USH2A: variants seen among roughly 807,000 people sequenced by gnomAD.
USH2A encodes Usher syndrome 2A (autosomal recessive, mild).
A neutral mutation model predicts 538.9 loss-of-function variants in USH2A; 443 were observed. That is an observed-to-expected ratio of 0.82 (90% confidence interval 0.76 to 0.89). The LOEUF (loss-of-function observed/expected upper bound fraction) is 0.89, where lower values mean the gene tolerates loss of function less well. USH2A is among the 40% of genes least tolerant of loss of function. USH2A has a pLI of 0.00. For missense variants in USH2A, 6,633 were observed against 6,324.8 expected (o/e 1.05, Z -1.65); for synonymous variants, 2,413 against 2,273.5 (o/e 1.06, Z -1.75).
At chr1:216,332,395 A>C (rs1010706131) in intron 4 of USH2A, among the ~76,000 whole-genome samples, 1 of 152,178 alleles carries the variant, frequency 6.6e-6, no homozygotes, top group Non-Finnish European at 1.5e-5. Flanking sequence ...ACTTAAAAGG[A>C]GAAGATGTGA....
intron 16 of USH2A, chr1:216,203,943 G>A (rs1219603845): frequency 6.3e-6 from 1 of 159,312 alleles, no homozygotes; most frequent in Non-Finnish European, 1.5e-5. Context: ...TCATCTGACT[G>A]TGAATCTGGG....
chr1:215,640,520 G>A (rs756435559), intron 68 of USH2A, 38 bp downstream of exon 68: 15 of 1,612,002 alleles, frequency 9.3e-6, no homozygotes, highest in Non-Finnish European at 1.2e-5. Context: ...GGGGAACAGA[G>A]CGCCTTCCAC....
intron 3 of USH2A, among the ~76,000 whole-genome samples, chr1:216,381,303 A>G (rs1468818937): frequency 6.6e-6 from 1 of 152,172 alleles, no homozygotes; most frequent in African/African-American, 2.4e-5. Flanking sequence ...CTCAAAGTAC[A>G]TAGAAGGACA....
At chr1:216,010,795 G>A (rs1668542873) in intron 32 of USH2A, among the ~76,000 whole-genome samples, 3 of 151,452 alleles carry the variant, frequency 2.0e-5, no homozygotes, top group Non-Finnish European at 2.9e-5. Context: ...CTGCTTCCCT[G>A]ACTATTCCTG....
At chr1:216,198,949 T>C (rs1572041322) in intron 17 of USH2A, among the ~76,000 whole-genome samples, 2 of 152,174 alleles carry the variant, frequency 1.3e-5, no homozygotes, top group Admixed American at 1.3e-4. Flanking sequence ...GCCAGTTCTT[T>C]TGGGGAATTT....
At chr1:215,847,647 GAAA>G (rs751187801) in intron 44 of USH2A, among the ~76,000 whole-genome samples, 1 of 133,042 alleles carries the variant, frequency 7.5e-6, no homozygotes, top group Admixed American at 7.7e-5. Flanking sequence ...CATGTCTCAG[GAAA>G]AAAAAAAAAA....
At position 216,324,192 on chromosome 1, in the gene USH2A, G is replaced by A; in HGVS notation, c.1304C>T (p.Ser435Phe). 6.2e-7 allele frequency: 1 copy of A among 1,613,088 alleles called. No individual in the cohort carries two copies. Among genetic ancestry groups the A allele is most frequent in the Non-Finnish European group, 8.5e-7 (1 of 1,179,540 alleles). The change falls in exon 7 of 72, where the codon TCT becomes TTT. Residue 435 changes from serine (S) to phenylalanine (F), a missense_variant. Coordinates refer to ENST00000307340, the MANE Select transcript of USH2A (RefSeq NM_206933.4). ...CTTGGAAAGCTGAAGACAGTTGACA[G>A]AATCAGGTTTTTCCAAATCTCCATT... ...KNNGDLEKPD[S>F]VNCLQLSNFT...
At chr1:216,272,685 A>ATGCTGG (rs1253514376) in intron 11 of USH2A, among the ~76,000 whole-genome samples, 1 of 152,024 alleles carries the variant, frequency 6.6e-6, no homozygotes, top group Non-Finnish European at 1.5e-5. Context: ...TCCCAGAAAA[A>ATGCTGG]TGCTGGTGCT....
intron 21 of USH2A, among the ~76,000 whole-genome samples, chr1:216,146,082 C>T (rs1216907538): frequency 6.6e-6 from 1 of 152,192 alleles, no homozygotes; most frequent in Non-Finnish European, 1.5e-5. Flanking sequence ...ATCGGGGGAC[C>T]TCCCTTGGGA....
chr1:216,183,175 TTTCA>T (rs544734591), intron 20 of USH2A, among the ~76,000 whole-genome samples: 140 of 152,158 alleles, frequency 9.2e-4, no homozygotes, highest in African/African-American at 3.2e-3. Context: ...GACATCATCC[TTTCA>T]TTTGTTTGTT....
At chr1:215,870,458 C>CTT (rs10689595) in intron 43 of USH2A, among the ~76,000 whole-genome samples, 19,800 of 122,854 alleles carry the variant, frequency 0.16, 2,085 homozygotes, top group African/African-American at 0.29. Flanking sequence ...CCACTCCTAG[C>CTT]TTTTTTTTTT....
intron 9 of USH2A, among the ~76,000 whole-genome samples, chr1:216,300,844 G>A (rs1849376): frequency 0.59 from 87,908 of 149,768 alleles, 27,758 homozygotes; most frequent in East Asian, 0.75. Flanking sequence ...CACCACCCAC[G>A]TTCAAGAGAT....
intron 61 of USH2A, among the ~76,000 whole-genome samples, chr1:215,703,772 GC>G (rs2102691933): frequency 6.6e-6 from 1 of 152,260 alleles, no homozygotes; most frequent in South Asian, 2.1e-4. Context: ...GATCCACTGA[GC>G]AAGACCACAC....
intron 9 of USH2A, among the ~76,000 whole-genome samples, chr1:216,319,358 G>A (rs1240812466): frequency 6.6e-6 from 1 of 152,116 alleles, no homozygotes; most frequent in Admixed American, 6.6e-5. Context: ...AATCAATCAA[G>A]TTAATCCAAT....
chr1:215,819,228 G>A (rs1194623132), intron 47 of USH2A, among the ~76,000 whole-genome samples: 3 of 151,490 alleles, frequency 2.0e-5, no homozygotes, highest in Admixed American at 6.6e-5. Context: ...TTTTGCTATC[G>A]TGTAAAATAA....
chr1:216,322,027 A>C, intron 8 of USH2A, 51 bp from the exon 9 acceptor site: 1 of 1,560,962 alleles, frequency 6.4e-7, no homozygotes. Context: ...TCAACTGTGA[A>C]TATATTTAAG....
chr1:215,871,930 A>C (rs1469305587), intron 43 of USH2A, among the ~76,000 whole-genome samples: 3 of 152,212 alleles, frequency 2.0e-5, no homozygotes, highest in African/African-American at 4.8e-5. Context: ...TATTGTGGGA[A>C]ACCAAAATTC....
Position 215,817,225 on chromosome 1 carries a change from GA to G in USH2A, c.9372-31del, listed in dbSNP as rs769764123. 105 of 1,606,118 alleles carry G rather than the reference GA, an allele frequency of 6.5e-5. No individual in the cohort carries two copies. The East Asian group carries it at 1.2e-3, about 18-fold the overall frequency. On this transcript the variant is annotated intron_variant, in intron 47 of 71. Coordinates refer to ENST00000307340, the MANE Select transcript of USH2A (RefSeq NM_206933.4). The stretch of plus-strand genomic sequence containing the variant: ...AACAGAGAGAATAATCAATACTTCT[GA>G]AAAGACACTATTTAACATTGATGCT...
At chr1:216,021,453 C>T (rs769075613) in intron 32 of USH2A, among the ~76,000 whole-genome samples, 26 of 152,272 alleles carry the variant, frequency 1.7e-4, no homozygotes, top group Non-Finnish European at 2.5e-4. Context: ...GATTATGAGG[C>T]CTCCACAGCC....
Sources: allele counts gnomAD v4.1 joint callset (sites outside exome capture counted in the v4.1 genomes callset), GRCh38; gene constraint gnomAD v4.1.1; transcripts MANE v1.5; gene names NCBI Gene and HGNC (gene_info 2026-07-23, HGNC 2026-07-21).